The following RASGRP1 variants were observed in gnomAD, a reference collection of about 807,000 sequenced individuals.
RASGRP1 encodes the protein RAS guanyl-releasing protein 1.
RASGRP1 carries 37 observed loss-of-function variants against 95.1 expected under a neutral mutation model. The observed-to-expected ratio is 0.39, with a 90% CI of 0.30 to 0.51. RASGRP1 has a LOEUF of 0.51. Ranked by LOEUF, RASGRP1 falls within the 20% of genes least tolerant of loss-of-function variation. RASGRP1 has a pLI of 0.80. For synonymous variants in RASGRP1, 325 were observed against 353.4 expected (o/e 0.92, Z 0.90); for missense variants, 711 against 965.4 (o/e 0.74, Z 3.49).
chr15:38,551,362 A>G (rs1893331296), intron 2 of RASGRP1, among the ~76,000 whole-genome samples: 1 of 152,230 alleles, frequency 6.6e-6, no homozygotes, highest in African/African-American at 2.4e-5. Flanking sequence ...TTTTAATGGT[A>G]TCACAGCGAG....
rs1890525130 is a variant in RASGRP1 at position 38,490,358 on chromosome 15, C to A, written c.*196G>T. On this transcript the variant is annotated 3_prime_UTR_variant, in exon 17 of 17. Coordinates refer to ENST00000310803, the MANE Select transcript of RASGRP1 (RefSeq NM_005739.4). ...AAGTTTTGCATTCTTTAGTTTTCCC[C>A]CTTTGAGTCAACTAACTGAAAGAGA... 4.3e-6 allele frequency: 2 copies of A among 468,362 alleles called. No homozygotes were observed. The highest frequency in any genetic ancestry group is 6.9e-6 in the Non-Finnish European group (2 of 290,298). 29.0% of individuals were successfully genotyped at this position (468,362 alleles called of 1,614,324 possible).
chr15:38,549,024 A>G (rs1386236430), intron 2 of RASGRP1, among the ~76,000 whole-genome samples: 1 of 152,222 alleles, frequency 6.6e-6, no homozygotes, highest in Non-Finnish European at 1.5e-5. Context: ...TCCATTCCCG[A>G]GAGCAAGTGC....
intron 12 of RASGRP1, chr15:38,501,496 T>A: frequency 1.4e-6 from 1 of 711,010 alleles, no homozygotes; most frequent in Non-Finnish European, 2.5e-6. Flanking sequence ...ATTACTCATT[T>A]CCACAGAGGT....
rs773275220 is a variant in RASGRP1 at position 38,494,526 on chromosome 15, C to T, written c.2115G>A (p.Val705=). The change falls in exon 16 of 17, where the codon GTG becomes GTA. Residue 705 remains valine, a synonymous_variant. Coordinates refer to ENST00000310803, the MANE Select transcript of RASGRP1 (RefSeq NM_005739.4). The part of the protein sequence containing the change: ...PRKTAQDTLY[V]LPSPTSPCPS... ...GACATGGAGAGGTGGGACTGGGAAG[C>T]ACATATAGAGTATCCTGGGCTGTCT... The T allele has an allele frequency of 5.0e-6, 8 of 1,596,992 alleles. No homozygotes were observed. The highest frequency in any genetic ancestry group is 1.1e-5 in the South Asian group (1 of 88,468).
In RASGRP1 at chr15:38,489,420, T is replaced by C. The variant is rs1017373156; in HGVS notation, c.*1134A>G. The C allele has an allele frequency of 4.6e-5, 7 of 152,288 alleles. No individual in the cohort carries two copies. Among genetic ancestry groups the C allele is most frequent in the African/African-American group, 1.4e-4 (6 of 41,458 alleles). The allele number at this position is 152,288 out of a possible 1,614,324, so 9.4% of individuals were successfully genotyped here. A position where few individuals can be genotyped will look rare whatever the true frequency, so the allele number is the denominator to read the frequency against. On this transcript the variant is annotated 3_prime_UTR_variant, in exon 17 of 17. Transcript: ENST00000310803. ...ATTTTACCTTGTGAGCAATTTAATC[T>C]TGTGACAAACTGAACTTTATATTTG...
intron 5 of RASGRP1, 126 bp downstream of exon 5, chr15:38,518,165 AG>A: frequency 1.1e-6 from 1 of 873,628 alleles, no homozygotes; most frequent in East Asian, 2.7e-5. Flanking sequence ...TGTGTATTTG[AG>A]GGGCTTCTCA....
chr15:38,514,172 A>G (rs1891663341), intron 6 of RASGRP1, among the ~76,000 whole-genome samples: 1 of 152,164 alleles, frequency 6.6e-6, no homozygotes, highest in Admixed American at 6.5e-5. Flanking sequence ...TAAGTAGTAA[A>G]TATATAGATG....
chr15:38,488,986 C>T lies in RASGRP1; in HGVS notation c.*1568G>A, dbSNP rs1890463130. The T allele has an allele frequency of 6.6e-6, 1 of 151,978 alleles. No homozygotes were observed. Among genetic ancestry groups the T allele is most frequent in the Admixed American group, 6.6e-5 (1 of 15,258 alleles). The allele number at this position is 151,978 out of a possible 1,614,324, so 9.4% of individuals were successfully genotyped here. On this transcript the variant is annotated 3_prime_UTR_variant, in exon 17 of 17. Coordinates refer to ENST00000310803, the MANE Select transcript of RASGRP1 (RefSeq NM_005739.4). ...ACAAGCTAGTTCTATATCACTAAAA[C>T]TCAGTGCAAGGAGGAACTCAAATGG...
In RASGRP1 at chr15:38,564,721, T is replaced by C. The variant is rs899051046; in HGVS notation, c.-93A>G. On this transcript the variant is annotated 5_prime_UTR_variant, in exon 1 of 17. Coordinates refer to ENST00000310803, the MANE Select transcript of RASGRP1 (RefSeq NM_005739.4). ...CCACCGCCGCCGCCTGCCGGCTCTCTCCCCCCCGGGCCTCGTAGCCCCGGC... is the reference window on the plus strand; with the variant it reads ...CCACCGCCGCCGCCTGCCGGCTCTCCCCCCCCCGGGCCTCGTAGCCCCGGC... The C allele has an allele frequency of 5.6e-6, 6 of 1,076,794 alleles. No individual in the cohort carries two copies. The highest frequency in any genetic ancestry group is 5.8e-6 in the Non-Finnish European group (5 of 869,326). The allele number at this position is 1,076,794 out of a possible 1,614,324, so 66.7% of individuals were successfully genotyped here.
intron 3 of RASGRP1, among the ~76,000 whole-genome samples, chr15:38,519,839 GA>G (rs5812042): frequency 1.3e-3 from 200 of 152,062 alleles, no homozygotes; most frequent in African/African-American, 4.7e-3. Context: ...ATTCGAAGAG[GA>G]AAAAATACAT....
At chr15:38,559,717 T>C (rs1427353258) in intron 2 of RASGRP1, 104 bp downstream of exon 2, 1 of 1,256,692 alleles carries the variant, frequency 8.0e-7, no homozygotes, top group Non-Finnish European at 1.1e-6. Context: ...AAAGCTATTT[T>C]TAAAGCCAAA....
intron 2 of RASGRP1, among the ~76,000 whole-genome samples, chr15:38,529,538 A>G (rs1892358640): frequency 6.6e-6 from 1 of 152,218 alleles, no homozygotes; most frequent in African/African-American, 2.4e-5. Flanking sequence ...TAAACTACCT[A>G]AGGTATTCCT....
intron 2 of RASGRP1, among the ~76,000 whole-genome samples, chr15:38,537,857 G>A (rs1892718107): frequency 6.6e-6 from 1 of 152,216 alleles, no homozygotes; most frequent in South Asian, 2.1e-4. Flanking sequence ...GAAGTGAGCA[G>A]GAGGACCTGG....
chr15:38,506,899 T>C (rs968438541), intron 9 of RASGRP1, among the ~76,000 whole-genome samples: 1 of 152,174 alleles, frequency 6.6e-6, no homozygotes, highest in African/African-American at 2.4e-5. Flanking sequence ...AAATGATGTC[T>C]GAGACACAGA....
chr15:38,542,722 A>C (rs1216785765), intron 2 of RASGRP1, among the ~76,000 whole-genome samples: 1 of 151,618 alleles, frequency 6.6e-6, no homozygotes, highest in Admixed American at 6.6e-5. Context: ...TCAGAAATCA[A>C]TCTGGTGTGA....
At chr15:38,561,529 T>G (rs1595888663) in intron 1 of RASGRP1, among the ~76,000 whole-genome samples, 1 of 152,260 alleles carries the variant, frequency 6.6e-6, no homozygotes, top group East Asian at 1.9e-4. Flanking sequence ...AAGAAGTGCT[T>G]AGATCAAAAT....
At chr15:38,526,425 A>C in intron 2 of RASGRP1, 21 bp from the exon 3 acceptor site, 1 of 1,599,404 alleles carries the variant, frequency 6.3e-7, no homozygotes, top group Non-Finnish European at 8.6e-7. Flanking sequence ...AAAGAGCAGC[A>C]CCTGAGTTAG....
intron 3 of RASGRP1, among the ~76,000 whole-genome samples, chr15:38,519,726 G>T (rs758540391): frequency 6.6e-6 from 1 of 151,942 alleles, no homozygotes; most frequent in African/African-American, 2.4e-5. Context: ...TGCTCAAAAA[G>T]CAGCCCCTAT....
rs951546327 is a variant in RASGRP1 at position 38,546,623 on chromosome 15, C to T, written c.220+13198G>A. 1.6e-4 allele frequency among the ~76,000 whole-genome samples: 24 copies of T among 152,166 alleles called. 1 individual carries two copies. Among genetic ancestry groups the T allele is most frequent in the Admixed American group, 1.2e-3 (19 of 15,278 alleles). Reference sequence around the variant, plus strand: ...GTTGATAGAAACTGAGTCTCCGAAACATTAAGACACCGGCTAAGGGAATAA... The same window carrying T: ...GTTGATAGAAACTGAGTCTCCGAAATATTAAGACACCGGCTAAGGGAATAA... On this transcript the variant is annotated intron_variant, in intron 2 of 16. Coordinates refer to ENST00000310803, the MANE Select transcript of RASGRP1 (RefSeq NM_005739.4).
Sources: gnomAD v4.1 joint callset for allele counts (sites outside exome capture counted in the v4.1 genomes callset) on GRCh38, gnomAD v4.1.1 for gene constraint, MANE v1.5 for transcripts, NCBI Gene and HGNC (gene_info 2026-07-23, HGNC 2026-07-21) for gene names.